The following COPB1 variants were observed in gnomAD, a reference collection of about 807,000 sequenced individuals.
COPB1 encodes coat protein complex I subunit beta 1.
In COPB1, 21 loss-of-function variants were observed where a neutral mutation model predicts 108.7. The observed-to-expected ratio is 0.19, with a 90% CI of 0.14 to 0.28. The LOEUF (loss-of-function observed/expected upper bound fraction) is 0.28. Among genes scored for constraint, COPB1 ranks in the 10% least tolerant of loss-of-function variants. The probability of loss-of-function intolerance (pLI) is 1.00; values close to 1 mark genes in which losing one functional copy is unlikely to be tolerated. For missense variants in COPB1, 919 were observed against 1,141.3 expected, an observed-to-expected ratio of 0.81 and a Z score of 2.81; for synonymous variants, 378 against 386.8, an observed-to-expected ratio of 0.98 and a Z score of 0.27.
chr11:14,461,322 A>G lies in COPB1; in HGVS notation c.2420T>C (p.Val807Ala). ...GIIFGNIVYD[V>A]SGAASDRNCV... is the part of the protein sequence containing the mutation. The stretch of plus-strand genomic sequence containing the variant: ...ATTTCTGTCACTTGCTGCTCCAGAG[A>G]CATCATAAACTGCAATTACATATAC... Residue 807 changes from valine (V) to alanine (A), a missense_variant, in exon 19 of 22, where the codon GTC (valine) becomes GCC (alanine). Physicochemically the swap from Val to Ala is moderately conservative, Grantham distance 64 (BLOSUM62 0). Around this residue, in one of 5 missense-constraint regions of COPB1, gnomAD observed 705 missense variants for 817.8 expected, o/e 0.86. Coordinates refer to ENST00000439561, the MANE Select transcript of COPB1 (RefSeq NM_001144061.2). 1.2e-6 allele frequency: 2 copies of G among 1,613,160 alleles called. No homozygotes were observed. Among genetic ancestry groups the G allele is most frequent in the Non-Finnish European group, 1.7e-6 (2 of 1,179,696 alleles).
chr11:14,475,648 G>A lies in COPB1; in HGVS notation c.1616+137C>T, dbSNP rs1343166237. ...AGGGGGAAGAACTTAAACATCCTCC[G>A]CTTCTCAAGTACCTTAAATGGCAAA... On this transcript the variant is annotated intron_variant, in intron 13 of 21. Coordinates refer to ENST00000439561, the MANE Select transcript of COPB1 (RefSeq NM_001144061.2). 1.1e-5 allele frequency: 8 copies of A among 758,132 alleles called. No individual in the cohort carries two copies. The South Asian group carries it at 1.7e-4, about 16-fold the overall frequency. 47.0% of individuals were successfully genotyped at this position (758,132 alleles called of 1,614,324 possible). A position where few individuals can be genotyped will look rare whatever the true frequency, so the allele number is the denominator to read the frequency against.
intron 6 of COPB1, among the ~76,000 whole-genome samples, chr11:14,487,250 A>G (rs1037078040): frequency 2.6e-5 from 4 of 152,194 alleles, no homozygotes; most frequent in Admixed American, 2.0e-4. Context: ...ATATAGTCAA[A>G]ACTCTATTAC....
chr11:14,473,062 C>T (rs1336047484), intron 14 of COPB1, among the ~76,000 whole-genome samples: 1 of 152,144 alleles, frequency 6.6e-6, no homozygotes, highest in Non-Finnish European at 1.5e-5. Flanking sequence ...GCAACCTCTG[C>T]CTCCCATGTT....
intron 2 of COPB1, among the ~76,000 whole-genome samples, chr11:14,494,882 T>C (rs1269865709): frequency 6.6e-6 from 1 of 152,210 alleles, no homozygotes; most frequent in Non-Finnish European, 1.5e-5. Context: ...AGGATAAATA[T>C]GTAACTTTTT....
At chr11:14,494,553 A>G in intron 2 of COPB1, 114 bp from the exon 3 acceptor site, 1 of 636,284 alleles carries the variant, frequency 1.6e-6, no homozygotes, top group Non-Finnish European at 2.7e-6. Flanking sequence ...AGTATCAGCA[A>G]TGGTAATAAA....
intron 14 of COPB1, chr11:14,474,019 T>C (rs1850464947): frequency 6.6e-6 from 1 of 152,346 alleles, no homozygotes; most frequent in African/African-American, 2.4e-5. Flanking sequence ...GTGCAGAAGC[T>C]GTGAATATGG....
chr11:14,476,819 C>A, intron 12 of COPB1, 100 bp downstream of exon 12: 84 of 518,114 alleles, frequency 1.6e-4, no homozygotes, highest in Middle Eastern at 3.8e-4. Context: ...CAAAATCTAA[C>A]TCAGAAGTGT....
intron 7 of COPB1, 125 bp from the exon 8 acceptor site, chr11:14,483,276 T>C: frequency 9.5e-6 from 5 of 524,338 alleles, no homozygotes; most frequent in South Asian, 4.4e-5. Context: ...GAAGCCAAAA[T>C]ACACTCATTA....
intron 19 of COPB1, 89 bp downstream of exon 19, chr11:14,461,097 T>A (rs1405623114): frequency 4.6e-6 from 7 of 1,517,716 alleles, no homozygotes; most frequent in Non-Finnish European, 9.1e-7. Flanking sequence ...AAACACTTTT[T>A]AGCGAGATTA....
rs183964918 is a variant in COPB1, at chr11:14,487,145, T to C, written c.700-641A>G. On this transcript the variant is annotated intron_variant, in intron 6 of 21. Coordinates refer to ENST00000439561, the MANE Select transcript of COPB1 (RefSeq NM_001144061.2). ...GAGAAAACTAAAAATTTCTATCCCATTCTAAATGTATCCTGATACCTTTAC... is the reference window on the plus strand; with the variant it reads ...GAGAAAACTAAAAATTTCTATCCCACTCTAAATGTATCCTGATACCTTTAC... Among the ~76,000 whole-genome samples, 479 of 152,364 alleles carry C rather than the reference T, an allele frequency of 3.1e-3. 4 individuals carry two copies. In the Middle Eastern group the frequency reaches 0.051, roughly 16 times the overall value.
At chr11:14,493,172 T>C (rs1486548137) in intron 4 of COPB1, among the ~76,000 whole-genome samples, 1 of 152,040 alleles carries the variant, frequency 6.6e-6, no homozygotes, top group South Asian at 2.1e-4. Flanking sequence ...CAAATAAAAA[T>C]TCAAAATCTT....
intron 3 of COPB1, among the ~76,000 whole-genome samples, 187 bp from the exon 4 acceptor site, chr11:14,493,998 ACT>A (rs1278675474): frequency 6.6e-6 from 1 of 152,198 alleles, no homozygotes; most frequent in Non-Finnish European, 1.5e-5. Context: ...TATGTGTGTC[ACT>A]GTTTTTTAAT....
chr11:14,499,728 T>C lies in COPB1; in HGVS notation c.-79A>G, dbSNP rs554490766. 3 of 152,432 alleles carry C rather than the reference T, an allele frequency of 2.0e-5. No homozygotes were observed. The highest frequency in any genetic ancestry group is 4.8e-5 in the African/African-American group (2 of 41,558). The allele number at this position is 152,432 out of a possible 1,614,324, so 9.4% of individuals were successfully genotyped here. ...CCACCACGCCTCTGGGACTGGGGGC[T>C]TGTGGCCCACTACCAGGCTCCGAGG... On this transcript the variant is annotated 5_prime_UTR_variant, in exon 1 of 22. Transcript: ENST00000439561.
intron 17 of COPB1, among the ~76,000 whole-genome samples, chr11:14,465,981 G>A (rs1358161192): frequency 6.6e-6 from 1 of 152,166 alleles, no homozygotes; most frequent in Non-Finnish European, 1.5e-5. Context: ...AACTAAGTGA[G>A]CTACCTGGTC....
At chr11:14,489,343 T>C (rs1310237219) in intron 5 of COPB1, among the ~76,000 whole-genome samples, 1 of 152,186 alleles carries the variant, frequency 6.6e-6, no homozygotes, top group Non-Finnish European at 1.5e-5. Flanking sequence ...AAAAACAGAA[T>C]TGCTGTATAT....
chr11:14,473,475 A>C (rs1850452607), intron 14 of COPB1, among the ~76,000 whole-genome samples: 1 of 152,116 alleles, frequency 6.6e-6, no homozygotes, highest in African/African-American at 2.4e-5. Flanking sequence ...TCTTCCCTTC[A>C]CTTAGAAGCC....
chr11:14,483,382 G>A (rs1225294671), intron 7 of COPB1, among the ~76,000 whole-genome samples: 1 of 151,926 alleles, frequency 6.6e-6, no homozygotes, highest in African/African-American at 2.4e-5. Flanking sequence ...CAGAAGATTA[G>A]AGGCATTACA....
chr11:14,489,397 C>T (rs1332865827), intron 5 of COPB1, among the ~76,000 whole-genome samples: 4 of 152,182 alleles, frequency 2.6e-5, no homozygotes, highest in Non-Finnish European at 5.9e-5. Flanking sequence ...TAACAGAAAG[C>T]AAAGTCTCAA....
At chr11:14,493,054 G>A (rs1270075146) in intron 4 of COPB1, among the ~76,000 whole-genome samples, 1 of 152,276 alleles carries the variant, frequency 6.6e-6, no homozygotes, top group African/African-American at 2.4e-5. Flanking sequence ...GCTGAGGCAG[G>A]AGAATCACTT....
Sources: allele counts gnomAD v4.1 joint callset (sites outside exome capture counted in the v4.1 genomes callset), GRCh38; gene constraint gnomAD v4.1.1; regional missense constraint gnomAD v4.1.1; transcripts MANE v1.5; gene names NCBI Gene and HGNC (gene_info 2026-07-23, HGNC 2026-07-21).